The following RARB variants were observed in gnomAD, a reference collection of about 807,000 sequenced individuals.
RARB encodes HBV-activated protein.
In RARB, 17 loss-of-function variants were observed where a neutral mutation model predicts 51.9. The ratio of observed to expected loss-of-function variants is 0.33; its 90% CI spans 0.22 to 0.49. RARB has a LOEUF of 0.49. RARB is among the 20% of genes least tolerant of loss of function. The pLI is 0.99. For synonymous variants in RARB, 215 were observed against 195.4 expected, an observed-to-expected ratio of 1.10 and a Z score of -0.84; for missense variants, 369 against 550.8, an observed-to-expected ratio of 0.67 and a Z score of 3.30.
chr3:25,286,212 C>T (rs761902182), intron 5 of RARB, among the ~76,000 whole-genome samples: 13 of 150,590 alleles, frequency 8.6e-5, no homozygotes, highest in Non-Finnish European at 1.9e-4. Context: ...CCTCGGCCTC[C>T]CAAGTAGCTG....
At chr3:25,161,536 A>G (rs1700473114) in intron 4 of RARB, among the ~76,000 whole-genome samples, 1 of 152,098 alleles carries the variant, frequency 6.6e-6, no homozygotes, top group Non-Finnish European at 1.5e-5. Context: ...AATTAACGAT[A>G]CTTCTGCTTC....
chr3:25,515,391 A>G (rs1009932487), intron 3 of RARB, among the ~76,000 whole-genome samples: 3 of 152,192 alleles, frequency 2.0e-5, no homozygotes, highest in African/African-American at 7.2e-5. Context: ...TAAACATACC[A>G]ATATGACTGA....
chr3:24,965,765 G>C (rs977490447), intron 2 of RARB, among the ~76,000 whole-genome samples: 1 of 152,140 alleles, frequency 6.6e-6, no homozygotes, highest in Non-Finnish European at 1.5e-5. Context: ...TGATAGTCTT[G>C]TGGTTCTGTC....
At chr3:25,466,006 C>T (rs1196847080) in intron 2 of RARB, among the ~76,000 whole-genome samples, 2 of 152,046 alleles carry the variant, frequency 1.3e-5, no homozygotes, top group African/African-American at 2.4e-5. Flanking sequence ...AGCTAGACTA[C>T]TTATAAGCTT....
At chr3:25,553,536 C>T (rs1293472097) in intron 3 of RARB, among the ~76,000 whole-genome samples, 1 of 152,162 alleles carries the variant, frequency 6.6e-6, no homozygotes, top group Non-Finnish European at 1.5e-5. Flanking sequence ...AACTCTCTTT[C>T]ACATCACCAA....
At chr3:24,928,193 T>C (rs1695360496) in intron 2 of RARB, among the ~76,000 whole-genome samples, 1 of 151,974 alleles carries the variant, frequency 6.6e-6, no homozygotes, top group Non-Finnish European at 1.5e-5. Flanking sequence ...CATTTGTAGG[T>C]GTTTCCATTG....
chr3:25,098,592 C>T (rs1481631582), intron 3 of RARB, among the ~76,000 whole-genome samples: 2 of 152,102 alleles, frequency 1.3e-5, no homozygotes, highest in African/African-American at 4.8e-5. Flanking sequence ...GGGTCAAGTC[C>T]AGTCTGCCAC....
rs115165156 is a variant in RARB at position 25,148,028 on chromosome 3, T to G, written c.-280+15820T>G. Reference sequence around the variant, plus strand: ...CACATTCCTCCTCTGGTCTGCCTTGTCTACAGACTACTGTTTATGTGATCT... The same window carrying G: ...CACATTCCTCCTCTGGTCTGCCTTGGCTACAGACTACTGTTTATGTGATCT... On this transcript the variant is annotated intron_variant, in intron 4 of 11. Transcript: ENST00000383772. 7.4e-3 allele frequency among the ~76,000 whole-genome samples: 1,126 copies of G among 152,364 alleles called. 17 individuals carry two copies. The highest frequency in any genetic ancestry group is 0.026 in the African/African-American group (1,067 of 41,580).
chr3:25,205,186 C>T (rs1400745510), intron 5 of RARB, among the ~76,000 whole-genome samples: 2 of 152,152 alleles, frequency 1.3e-5, no homozygotes, highest in Non-Finnish European at 1.5e-5. Flanking sequence ...GCTGTGCTAG[C>T]AATGAGCGAG....
At chr3:25,562,207 A>C (rs1575521339) in intron 3 of RARB, among the ~76,000 whole-genome samples, 2 of 152,176 alleles carry the variant, frequency 1.3e-5, no homozygotes, top group African/African-American at 4.8e-5. Flanking sequence ...CCTGCCTATG[A>C]AAATTGATTA....
chr3:25,450,326 T>C (rs1709137803), intron 1 of RARB, among the ~76,000 whole-genome samples: 1 of 152,214 alleles, frequency 6.6e-6, no homozygotes, highest in African/African-American at 2.4e-5. Flanking sequence ...TTAGCTATTA[T>C]TTTTACATGT....
intron 3 of RARB, among the ~76,000 whole-genome samples, chr3:25,092,210 G>T (rs193236988): frequency 2.0e-5 from 3 of 152,110 alleles, no homozygotes; most frequent in Non-Finnish European, 4.4e-5. Flanking sequence ...TTTCCCATCC[G>T]TTAAGTGATG....
chr3:24,870,095 C>CT (rs1702920409), intron 2 of RARB, among the ~76,000 whole-genome samples: 1 of 152,014 alleles, frequency 6.6e-6, no homozygotes. Flanking sequence ...CTTTGTATAT[C>CT]CTGGAGACTA....
intron 5 of RARB, among the ~76,000 whole-genome samples, chr3:25,404,306 A>G (rs1707346399): frequency 6.6e-6 from 1 of 152,188 alleles, no homozygotes; most frequent in Admixed American, 6.5e-5. Context: ...ACATTCCGAC[A>G]GGGTTAGCTT....
intron 3 of RARB, among the ~76,000 whole-genome samples, chr3:25,107,851 G>A (rs898704364): frequency 6.6e-6 from 1 of 152,108 alleles, no homozygotes; most frequent in Non-Finnish European, 1.5e-5. Flanking sequence ...TCTTACTGTA[G>A]ATCTTAGCAA....
chr3:25,043,958 G>A (rs912349489), intron 2 of RARB, among the ~76,000 whole-genome samples: 5 of 152,116 alleles, frequency 3.3e-5, no homozygotes, highest in Non-Finnish European at 5.9e-5. Flanking sequence ...AAGCATGTGT[G>A]TGTGGATATG....
rs191376395 is a variant in RARB at position 25,032,566 on chromosome 3, C to A, written c.-379-27559C>A. On this transcript the variant is annotated intron_variant, in intron 2 of 11. Transcript: ENST00000383772. ...ATTCAAAAGCAGTGTTCACTATAAA[C>A]AACACTGATATTCCATTATTCTCCT... Among the ~76,000 whole-genome samples the A allele has an allele frequency of 5.4e-4, 82 of 152,330 alleles. No individual in the cohort carries two copies. The East Asian group carries it at 0.014, about 26-fold the overall frequency.
At chr3:24,933,109 C>T (rs1695475242) in intron 2 of RARB, among the ~76,000 whole-genome samples, 1 of 151,808 alleles carries the variant, frequency 6.6e-6, no homozygotes, top group South Asian at 2.1e-4. Flanking sequence ...CATAATTCAG[C>T]AGAAAAAATA....
chr3:25,197,670 G>C (rs894562676), intron 5 of RARB, among the ~76,000 whole-genome samples: 2 of 151,722 alleles, frequency 1.3e-5, no homozygotes, highest in Non-Finnish European at 2.9e-5. Flanking sequence ...AAGGTAAATG[G>C]AATTACTTTC....
Sources: allele counts gnomAD v4.1 joint callset (sites outside exome capture counted in the v4.1 genomes callset), GRCh38; gene constraint gnomAD v4.1.1; transcripts MANE v1.5; gene names NCBI Gene and HGNC (gene_info 2026-07-23, HGNC 2026-07-21).